PCDHA10: variants seen among roughly 807,000 people sequenced by gnomAD.
PCDHA10 encodes protocadherin alpha-10.
Under a neutral mutation model 61.2 loss-of-function variants are expected in PCDHA10, and 45 were observed. The ratio of observed to expected loss-of-function variants is 0.74; its 90% confidence interval spans 0.58 to 0.94. The LOEUF is 0.94. Among genes scored for constraint, PCDHA10 ranks in the 40% least tolerant of loss-of-function variants. The probability of loss-of-function intolerance (pLI) is 0.00; values close to 1 mark genes in which losing one functional copy is unlikely to be tolerated. For missense variants in PCDHA10, 1,278 were observed against 1,236.2 expected, an observed-to-expected ratio of 1.03 and a Z score of -0.51; for synonymous variants, 602 against 548.8, an observed-to-expected ratio of 1.10 and a Z score of -1.35.
At chr5:140,869,712 G>A in intron 1 of PCDHA10, 4 of 1,613,408 alleles carry the variant, frequency 2.5e-6, no homozygotes, top group South Asian at 1.1e-5. Context: ...TGGATAGAGA[G>A]AAAACTCCGG....
At chr5:141,005,288 T>A (rs908780920) in intron 3 of PCDHA10, among the ~76,000 whole-genome samples, 1 of 152,176 alleles carries the variant, frequency 6.6e-6, no homozygotes. Flanking sequence ...AACAGATACA[T>A]TTTTTGCCTT....
chr5:140,932,346 A>G lies in PCDHA10; in HGVS notation c.2389-46603A>G, dbSNP rs529573484. 2.6e-5 allele frequency among the ~76,000 whole-genome samples: 4 copies of G among 152,072 alleles called. No homozygotes were observed. In the South Asian group the frequency reaches 6.2e-4, roughly 24 times the overall value. ...AGCAAAAATGCATGAAACACTTACCATACAACTGGCCTTATTAAATTTCCA... is the reference window on the plus strand; with the variant it reads ...AGCAAAAATGCATGAAACACTTACCGTACAACTGGCCTTATTAAATTTCCA... On this transcript the variant is annotated intron_variant, in intron 1 of 3. Coordinates refer to ENST00000307360, the MANE Select transcript of PCDHA10 (RefSeq NM_018901.4).
At chr5:140,908,985 C>G (rs2074252217) in intron 1 of PCDHA10, among the ~76,000 whole-genome samples, 1 of 152,130 alleles carries the variant, frequency 6.6e-6, no homozygotes, top group African/African-American at 2.4e-5. Context: ...CCACTGGACC[C>G]CTAGAAATTT....
intron 1 of PCDHA10, chr5:140,966,476 C>T (rs1326063829): frequency 1.8e-5 from 8 of 432,854 alleles, no homozygotes; most frequent in Non-Finnish European, 2.8e-5. Flanking sequence ...CTTCTGTTTC[C>T]TTTTCCCTCC....
At chr5:140,941,210 TC>T (rs2092849552) in intron 1 of PCDHA10, among the ~76,000 whole-genome samples, 1 of 100,630 alleles carries the variant, frequency 9.9e-6, no homozygotes, top group African/African-American at 5.4e-5. Flanking sequence ...TTCCTTTCTT[TC>T]TTCCTTTCTT....
At chr5:140,946,277 AT>A (rs1554217463) in intron 1 of PCDHA10, among the ~76,000 whole-genome samples, 1 of 152,068 alleles carries the variant, frequency 6.6e-6, no homozygotes, top group Non-Finnish European at 1.5e-5. Flanking sequence ...TAAAACCCCA[AT>A]GAGATATCAC....
intron 3 of PCDHA10, among the ~76,000 whole-genome samples, chr5:140,996,330 A>G (rs551945424): frequency 6.6e-6 from 1 of 152,208 alleles, no homozygotes; most frequent in Non-Finnish European, 1.5e-5. Flanking sequence ...TAGAGAAGAA[A>G]AGTTTGAAAA....
At chr5:141,009,019 C>A (rs1160022658) in intron 3 of PCDHA10, among the ~76,000 whole-genome samples, 1 of 152,232 alleles carries the variant, frequency 6.6e-6, no homozygotes, top group Non-Finnish European at 1.5e-5. Context: ...CCTTTAGGCT[C>A]TGTATTTCCC....
chr5:141,007,481 T>C (rs2098332347), intron 3 of PCDHA10, among the ~76,000 whole-genome samples: 1 of 151,600 alleles, frequency 6.6e-6, no homozygotes, highest in Non-Finnish European at 1.5e-5. Context: ...GGCACGAGAA[T>C]TACTTGGACC....
chr5:140,968,761 T>C (rs782432205), intron 1 of PCDHA10: 1 of 1,614,140 alleles, frequency 6.2e-7, no homozygotes, highest in South Asian at 1.1e-5. Flanking sequence ...TCCGAGATAA[T>C]GGAGAGCCAT....
In PCDHA10 at chr5:140,870,953, C is replaced by T. The variant is rs782232980; in HGVS notation, c.2388+12517C>T. The T allele has an allele frequency of 3.2e-5, 51 of 1,613,668 alleles. No homozygotes were observed. In the East Asian group the frequency reaches 1.0e-3, roughly 32 times the overall value. ...GAATTGCAGCCGGCGGCGGGCGGCT[C>T]GCGCATCCCGTTCCGCGTGGGGCTG... On this transcript the variant is annotated intron_variant, in intron 1 of 3. Transcript: ENST00000307360.
chr5:140,937,259 G>T (rs1306999153), intron 1 of PCDHA10, among the ~76,000 whole-genome samples: 1 of 151,852 alleles, frequency 6.6e-6, no homozygotes, highest in African/African-American at 2.4e-5. Context: ...GGATGGTCTC[G>T]ATCTCCTGAC....
chr5:140,868,277 C>T (rs1261614987), intron 1 of PCDHA10: 2 of 151,614 alleles, frequency 1.3e-5, no homozygotes, highest in Non-Finnish European at 2.9e-5. Flanking sequence ...TTAAAACTAC[C>T]AAGTTTGAGA....
rs782212623 is a variant in PCDHA10 at position 140,927,250 on chromosome 5, A to G, written c.2389-51699A>G. On this transcript the variant is annotated intron_variant, in intron 1 of 3. Coordinates refer to ENST00000307360, the MANE Select transcript of PCDHA10 (RefSeq NM_018901.4). ...GATTCACGTCCTGGACACCAATGACAACTCACCTCTCTTTCCTGCCGGCGA... is the reference window on the plus strand; with the variant it reads ...GATTCACGTCCTGGACACCAATGACGACTCACCTCTCTTTCCTGCCGGCGA... 1.9e-6 allele frequency: 3 copies of G among 1,614,046 alleles called. 1 individual carries two copies. The highest frequency in any genetic ancestry group is 2.5e-6 in the Non-Finnish European group (3 of 1,180,004).
intron 1 of PCDHA10, chr5:140,866,771 G>T (rs1274249290): frequency 2.0e-5 from 3 of 152,268 alleles, no homozygotes; most frequent in Non-Finnish European, 2.9e-5. Flanking sequence ...CAGGCAGATT[G>T]TATGTCCTGA....
intron 1 of PCDHA10, among the ~76,000 whole-genome samples, chr5:140,890,373 T>A (rs868994302): frequency 2.4e-4 from 37 of 152,196 alleles, no homozygotes; most frequent in African/African-American, 7.5e-4. Context: ...CCTGAACAAG[T>A]ACTCTTTCTT....
At chr5:140,876,044 T>G in intron 1 of PCDHA10, 2 of 1,613,884 alleles carry the variant, frequency 1.2e-6, no homozygotes, top group Non-Finnish European at 1.7e-6. Context: ...AAAAGTATAT[T>G]GCCTGAATTA....
chr5:140,983,340 A>AG (rs2097043854), intron 3 of PCDHA10, among the ~76,000 whole-genome samples: 1 of 152,240 alleles, frequency 6.6e-6, no homozygotes, highest in African/African-American at 2.4e-5. Flanking sequence ...TCACTAAAGC[A>AG]GGGTCATGTA....
chr5:140,978,841 T>G, intron 1 of PCDHA10, 108 bp from the exon 2 acceptor site: 1 of 1,563,056 alleles, frequency 6.4e-7, no homozygotes, highest in Non-Finnish European at 8.7e-7. Context: ...ATTCAATACT[T>G]TTTTAGATGC....
Sources: allele counts gnomAD v4.1 joint callset (sites outside exome capture counted in the v4.1 genomes callset), GRCh38; gene constraint gnomAD v4.1.1; transcripts MANE v1.5; gene names NCBI Gene and HGNC (gene_info 2026-07-23, HGNC 2026-07-21).